Variants in NEK7 observed in about 807,000 individuals in gnomAD.
NEK7 encodes NIMA related kinase 7.
NEK7 carries 18 observed loss-of-function variants against 44.6 expected under a neutral mutation model. The observed-to-expected ratio is 0.40, with a 90% CI of 0.28 to 0.60. The LOEUF is 0.60. NEK7 is among the 20% of genes least tolerant of loss of function. The pLI is 0.38. For missense variants in NEK7, 256 were observed against 366.5 expected (o/e 0.70, Z 2.46); for synonymous variants, 130 against 121.1 (o/e 1.07, Z -0.48).
In NEK7 at chr1:198,216,861, C is replaced by G. The variant is rs1372045748; in HGVS notation, c.-28-15692C>G. Among the ~76,000 whole-genome samples, 35 of 151,838 alleles carry G rather than the reference C, an allele frequency of 2.3e-4. No homozygotes were observed. In the East Asian group the frequency reaches 6.0e-3, roughly 26 times the overall value. On this transcript the variant is annotated intron_variant, in intron 1 of 9. Coordinates refer to ENST00000367385, the MANE Select transcript of NEK7 (RefSeq NM_133494.3). The stretch of plus-strand genomic sequence containing the variant: ...GAGGAAATTGATAATTATCAATTTC[C>G]TCGAAAACGACAACCCTTCTAGATT...
intron 2 of NEK7, among the ~76,000 whole-genome samples, chr1:198,251,042 T>C (rs894452644): frequency 6.6e-6 from 1 of 151,992 alleles, no homozygotes; most frequent in African/African-American, 2.4e-5. Context: ...CTTATTATTT[T>C]GAGATATGTC....
rs1003729445 is a variant in NEK7, at chr1:198,321,770, G to A, written c.*2248G>A. ...GAATGGAATAATTTCAAAGAACTATGAAGATGATTTGAAGCTCTAATTTAT... is the reference window on the plus strand; with the variant it reads ...GAATGGAATAATTTCAAAGAACTATAAAGATGATTTGAAGCTCTAATTTAT... On this transcript the variant is annotated 3_prime_UTR_variant, in exon 10 of 10. Transcript: ENST00000367385. 2.0e-5 allele frequency: 3 copies of A among 152,084 alleles called. No homozygotes were observed. The highest frequency in any genetic ancestry group is 4.8e-5 in the African/African-American group (2 of 41,428). 9.4% of individuals were successfully genotyped at this position (152,084 alleles called of 1,614,324 possible).
intron 3 of NEK7, among the ~76,000 whole-genome samples, chr1:198,258,588 T>G (rs1321921210): frequency 6.6e-6 from 1 of 152,234 alleles, no homozygotes; most frequent in Non-Finnish European, 1.5e-5. Flanking sequence ...TTCATTTCCT[T>G]TTAAAGAAAT....
intron 2 of NEK7, among the ~76,000 whole-genome samples, chr1:198,249,637 G>A (rs1363994480): frequency 2.4e-4 from 36 of 152,060 alleles, no homozygotes; most frequent in African/African-American, 8.7e-4. Context: ...CTGATGGCCA[G>A]TGATGGTGAG....
intron 1 of NEK7, among the ~76,000 whole-genome samples, chr1:198,206,513 AC>A (rs1438835647): frequency 2.6e-5 from 4 of 152,160 alleles, no homozygotes; most frequent in Non-Finnish European, 5.9e-5. Context: ...AACCTTTATT[AC>A]TTTTTAGTGA....
chr1:198,227,662 GTCT>G (rs1666266835), intron 1 of NEK7, among the ~76,000 whole-genome samples: 1 of 152,186 alleles, frequency 6.6e-6, no homozygotes, highest in African/African-American at 2.4e-5. Flanking sequence ...CTGCATAAAT[GTCT>G]TCTTTTGAGA....
At chr1:198,219,714 C>T (rs1199316857) in intron 1 of NEK7, among the ~76,000 whole-genome samples, 2 of 151,780 alleles carry the variant, frequency 1.3e-5, no homozygotes, top group African/African-American at 2.4e-5. Flanking sequence ...TTTTATTTGT[C>T]GATTAAAATA....
intron 1 of NEK7, among the ~76,000 whole-genome samples, chr1:198,161,473 G>C (rs1431865423): frequency 1.3e-5 from 2 of 152,154 alleles, no homozygotes; most frequent in Non-Finnish European, 2.9e-5. Context: ...AATAATACCA[G>C]AGGTCTAAAT....
chr1:198,289,132 TGTGTG>T (rs1654468084), intron 7 of NEK7, among the ~76,000 whole-genome samples: 2 of 2,202 alleles, frequency 9.1e-4, no homozygotes, highest in Admixed American at 8.3e-3. Context: ...TCCCTGAAGT[TGTGTG>T]TGTGTGTGTG....
intron 9 of NEK7, among the ~76,000 whole-genome samples, chr1:198,308,285 T>A (rs1655073249): frequency 1.3e-5 from 2 of 152,158 alleles, no homozygotes; most frequent in Non-Finnish European, 2.9e-5. Flanking sequence ...ATAATCTGGA[T>A]CTGGTAGAGT....
chr1:198,193,005 A>AT (rs1665122998), intron 1 of NEK7, among the ~76,000 whole-genome samples: 1 of 151,984 alleles, frequency 6.6e-6, no homozygotes, highest in African/African-American at 2.4e-5. Context: ...ACTCTTCAAA[A>AT]AATCAATGAA....
chr1:198,196,517 G>T (rs554115523), intron 1 of NEK7, among the ~76,000 whole-genome samples: 9 of 152,262 alleles, frequency 5.9e-5, no homozygotes, highest in African/African-American at 2.2e-4. Flanking sequence ...AGTAACAGTG[G>T]CAAAACTACA....
At chr1:198,229,654 G>T (rs992968060) in intron 1 of NEK7, among the ~76,000 whole-genome samples, 1 of 152,304 alleles carries the variant, frequency 6.6e-6, no homozygotes, top group Non-Finnish European at 1.5e-5. Context: ...TACACATTTG[G>T]TCACAGAAGT....
intron 1 of NEK7, among the ~76,000 whole-genome samples, chr1:198,227,402 T>G (rs1666258080): frequency 6.6e-6 from 1 of 152,158 alleles, no homozygotes; most frequent in Non-Finnish European, 1.5e-5. Context: ...GATGGCTGGG[T>G]CAAATGGCAT....
intron 7 of NEK7, among the ~76,000 whole-genome samples, chr1:198,285,721 TCA>T (rs1394937917): frequency 6.6e-6 from 1 of 151,998 alleles, no homozygotes; most frequent in Non-Finnish European, 1.5e-5. Flanking sequence ...TCCTATTTGT[TCA>T]GGAAGAGGAG....
At chr1:198,304,810 T>C (rs1433563352) in intron 9 of NEK7, among the ~76,000 whole-genome samples, 1 of 152,220 alleles carries the variant, frequency 6.6e-6, no homozygotes, top group East Asian at 1.9e-4. Context: ...TTAATTTCCT[T>C]ATGGTTAATG....
chr1:198,302,697 T>G (rs986890779), intron 9 of NEK7, among the ~76,000 whole-genome samples: 2 of 152,188 alleles, frequency 1.3e-5, no homozygotes, highest in Non-Finnish European at 2.9e-5. Context: ...TGAATAAAAT[T>G]ACAATACTGA....
rs115747008 is a variant in NEK7, at chr1:198,237,273, C to T, written c.57+4636C>T. ...ATATCCCTTACTTAGTGTTCTCTTC[C>T]AGTCTCATGATTCTATGCTGGTGAC... On this transcript the variant is annotated intron_variant, in intron 2 of 9. Coordinates refer to ENST00000367385, the MANE Select transcript of NEK7 (RefSeq NM_133494.3). Among the ~76,000 whole-genome samples the T allele has an allele frequency of 6.8e-3, 1,041 of 152,250 alleles. 6 individuals are homozygous for T. Among genetic ancestry groups the T allele is most frequent in the Middle Eastern group, 0.014 (4 of 294 alleles).
At chr1:198,160,542 A>G (rs1664074510) in intron 1 of NEK7, among the ~76,000 whole-genome samples, 1 of 152,206 alleles carries the variant, frequency 6.6e-6, no homozygotes, top group Non-Finnish European at 1.5e-5. Context: ...GTACGACTTA[A>G]GGGTGTCTTG....
Sources: gnomAD v4.1 joint callset for allele counts (sites outside exome capture counted in the v4.1 genomes callset) on GRCh38, gnomAD v4.1.1 for gene constraint, MANE v1.5 for transcripts, NCBI Gene and HGNC (gene_info 2026-07-23, HGNC 2026-07-21) for gene names.